LRCH1: variants seen among roughly 807,000 people sequenced by gnomAD.
LRCH1 encodes leucine-rich repeat and calponin homology domain-containing protein 1.
A neutral mutation model predicts 94.9 loss-of-function variants in LRCH1; 23 were observed. That is an observed-to-expected ratio of 0.24 (90% CI 0.17 to 0.34). The LOEUF is 0.34. Among genes scored for constraint, LRCH1 ranks in the 10% least tolerant of loss-of-function variants. LRCH1 has a pLI of 1.00. For synonymous variants in LRCH1, 364 were observed against 354.9 expected, an observed-to-expected ratio of 1.03 and a Z score of -0.29; for missense variants, 790 against 945.9, an observed-to-expected ratio of 0.84 and a Z score of 2.16.
rs184720243 is a variant in LRCH1 at position 46,744,855 on chromosome 13, G to A, written c.*3007G>A. 271 of 983,842 alleles carry A rather than the reference G, an allele frequency of 2.8e-4. No homozygotes were observed. The highest frequency in any genetic ancestry group is 2.3e-3 in the Admixed American group (38 of 16,278). 60.9% of individuals were successfully genotyped at this position (983,842 alleles called of 1,614,324 possible). A position where few individuals can be genotyped will look rare whatever the true frequency, so the allele number is the denominator to read the frequency against. On this transcript the variant is annotated 3_prime_UTR_variant, in exon 20 of 20. Transcript: ENST00000389797. ...ACTTGATTTTTAAAAATTAGGCTTC[G>A]TATTTCAAAATTAGTTCTCAATAAA...
intron 16 of LRCH1, among the ~76,000 whole-genome samples, chr13:46,721,809 T>C (rs1451150062): frequency 8.5e-5 from 13 of 152,156 alleles, no homozygotes; most frequent in Non-Finnish European, 1.5e-5. Context: ...CTTTCTCCAT[T>C]AACTCTCAAG....
intron 18 of LRCH1, 93 bp from the exon 19 acceptor site, chr13:46,733,828 G>T (rs1478899793): frequency 1.5e-6 from 1 of 687,814 alleles, no homozygotes; most frequent in Non-Finnish European, 2.4e-6. Context: ...AACATGTATT[G>T]CTTGTGCCAT....
intron 8 of LRCH1, among the ~76,000 whole-genome samples, chr13:46,694,677 G>C (rs2138166906): frequency 6.6e-6 from 1 of 152,254 alleles, no homozygotes; most frequent in East Asian, 1.9e-4. Flanking sequence ...AGCCCAGAGA[G>C]GCCTTGACTT....
At chr13:46,682,278 G>A (rs1870357745) in intron 4 of LRCH1, among the ~76,000 whole-genome samples, 1 of 151,992 alleles carries the variant, frequency 6.6e-6, no homozygotes, top group Non-Finnish European at 1.5e-5. Context: ...TCCTCCCTGG[G>A]TCTTCTCGTC....
At chr13:46,683,657 A>C (rs842385) in intron 4 of LRCH1, among the ~76,000 whole-genome samples, 44,520 of 152,078 alleles carry the variant, frequency 0.29, 6,664 homozygotes, top group East Asian at 0.35. Context: ...ATCATTTTGC[A>C]ATTGCCTGTC....
downstream of LRCH1, among the ~76,000 whole-genome samples, chr13:46,747,315 G>A (rs191895709): frequency 6.6e-6 from 1 of 152,200 alleles, no homozygotes; most frequent in African/African-American, 2.4e-5. Context: ...TTGGCAGGAG[G>A]CTGAGGCCTC....
At chr13:46,595,868 T>TTTG (rs386379057) in intron 1 of LRCH1, among the ~76,000 whole-genome samples, 7 of 3,956 alleles carry the variant, frequency 1.8e-3, no homozygotes, top group Admixed American at 6.3e-3. Flanking sequence ...CCTCACATTG[T>TTTG]TTTTTTTTTT....
At position 46,558,572 on chromosome 13, in the gene LRCH1, C is replaced by CAAAAAAA. The variant is rs575874794; in HGVS notation, c.307+4889_307+4895dup. ...CCAAGACGGTGAAACCCTGTGTCTACAAAAAAAAAAAAAAAAAAAAAAAAA... is the reference window on the plus strand; with the variant it reads ...CCAAGACGGTGAAACCCTGTGTCTACAAAAAAAAAAAAAAAAAAAAAAAAAAAAAAAA... On this transcript the variant is annotated intron_variant, in intron 1 of 19. Transcript: ENST00000389797. Among the ~76,000 whole-genome samples the CAAAAAAA allele has an allele frequency of 7.8e-4, 27 of 34,396 alleles. 3 individuals are homozygous for CAAAAAAA. The highest frequency in any genetic ancestry group is 1.9e-3 in the East Asian group (2 of 1,060). 22.6% of individuals were successfully genotyped at this position (34,396 alleles called of 152,430 possible). A position where few individuals can be genotyped will look rare whatever the true frequency, so the allele number is the denominator to read the frequency against.
chr13:46,605,520 C>G (rs1032636358), intron 1 of LRCH1, among the ~76,000 whole-genome samples: 3 of 152,174 alleles, frequency 2.0e-5, no homozygotes, highest in African/African-American at 7.2e-5. Flanking sequence ...CCTCCTCCTC[C>G]TCCTCCTCCT....
rs753593414 is a variant in LRCH1, at chr13:46,694,902, A to C, written c.1130A>C (p.His377Pro). 1 of 1,614,006 alleles carries C rather than the reference A, an allele frequency of 6.2e-7. No individual in the cohort carries two copies. The highest frequency in any genetic ancestry group is 1.3e-5 in the African/African-American group (1 of 74,912). ...HRLSPVKGEF[H>P]QEFQPEPSLL... The stretch of plus-strand genomic sequence containing the variant: ...TATATTTTCCTAATAGGGGAATTTC[A>C]TCAGGAATTTCAACCGGAGCCTTCC... The change falls in exon 9 of 20, where the codon CAT becomes CCT. Residue 377 changes from histidine (H) to proline (P), a missense_variant. Around this residue, in one of 3 missense-constraint regions of LRCH1, gnomAD observed 460 missense variants for 508.9 expected, o/e 0.90. Transcript: ENST00000389797.
rs7333614 is a variant in LRCH1 at position 46,742,468 on chromosome 13, G to A, written c.*620G>A. ...TCCTAAAAAGGGAGCCGCGAAGGGC[G>A]CTGGGCAGTGTGGCCGCCAACTTCC... On this transcript the variant is annotated 3_prime_UTR_variant, in exon 20 of 20. Coordinates refer to ENST00000389797, the MANE Select transcript of LRCH1 (RefSeq NM_001164211.2). 21,526 of 986,486 alleles carry A rather than the reference G, an allele frequency of 0.022. 3,318 individuals carry two copies. In the African/African-American group the frequency reaches 0.33, roughly 15 times the overall value. The allele number at this position is 986,486 out of a possible 1,614,324, so 61.1% of individuals were successfully genotyped here. A position where few individuals can be genotyped will look rare whatever the true frequency, so the allele number is the denominator to read the frequency against.
chr13:46,556,504 G>T (rs1230883640), intron 1 of LRCH1, among the ~76,000 whole-genome samples: 6 of 152,160 alleles, frequency 3.9e-5, no homozygotes, highest in Non-Finnish European at 8.8e-5. Flanking sequence ...CAGGTGCAGT[G>T]AGTGACACAG....
chr13:46,715,699 A>T (rs978781610), intron 16 of LRCH1, 35 bp downstream of exon 16: 1 of 1,295,356 alleles, frequency 7.7e-7, no homozygotes, highest in Non-Finnish European at 1.1e-6. Flanking sequence ...CAATGTTCTC[A>T]TTAATAAGCC....
chr13:46,749,236 C>A (rs1874027538), downstream of LRCH1, among the ~76,000 whole-genome samples: 1 of 152,172 alleles, frequency 6.6e-6, no homozygotes, highest in South Asian at 2.1e-4. Context: ...TCATTTGCAA[C>A]AACATGGATG....
At chr13:46,713,208 G>A (rs1023524336) in intron 15 of LRCH1, among the ~76,000 whole-genome samples, 2 of 152,308 alleles carry the variant, frequency 1.3e-5, no homozygotes, top group Non-Finnish European at 1.5e-5. Flanking sequence ...ACTCTGTATA[G>A]AAAAATTTGA....
intron 1 of LRCH1, among the ~76,000 whole-genome samples, chr13:46,578,657 C>A (rs971164446): frequency 6.6e-6 from 1 of 152,164 alleles, no homozygotes; most frequent in South Asian, 2.1e-4. Context: ...TTTTGGACTC[C>A]CTTGAGAACT....
At chr13:46,711,099 C>T (rs974254792) in intron 13 of LRCH1, among the ~76,000 whole-genome samples, 2 of 152,060 alleles carry the variant, frequency 1.3e-5, no homozygotes, top group Non-Finnish European at 2.9e-5. Flanking sequence ...TATCTCCATG[C>T]CCCACAAATT....
downstream of LRCH1, among the ~76,000 whole-genome samples, chr13:46,749,303 C>T (rs748981318): frequency 2.6e-5 from 4 of 152,162 alleles, no homozygotes; most frequent in South Asian, 4.1e-4. Flanking sequence ...ACAAATACTG[C>T]GTGACCTCAC....
At chr13:46,659,651 C>T (rs1011563380) in intron 2 of LRCH1, among the ~76,000 whole-genome samples, 1 of 152,068 alleles carries the variant, frequency 6.6e-6, no homozygotes, top group Non-Finnish European at 1.5e-5. Flanking sequence ...ATTGTGTGTC[C>T]TAAGAACTGG....
Sources: gnomAD v4.1 joint callset for allele counts (sites outside exome capture counted in the v4.1 genomes callset) on GRCh38, gnomAD v4.1.1 for gene constraint, gnomAD v4.1.1 regional missense constraint, MANE v1.5 for transcripts, NCBI Gene and HGNC (gene_info 2026-07-23, HGNC 2026-07-21) for gene names.